RUNX1: variants seen among roughly 807,000 people sequenced by gnomAD.
RUNX1 encodes the protein runt-related transcription factor 1.
A neutral mutation model predicts 42.8 loss-of-function variants in RUNX1; 19 were observed. The observed-to-expected ratio is 0.44, with a 90% CI of 0.31 to 0.65. The LOEUF is 0.65. Among genes scored for constraint, RUNX1 ranks in the 30% least tolerant of loss-of-function variants. The pLI is 0.07. For synonymous variants in RUNX1, 271 were observed against 289.4 expected (o/e 0.94, Z 0.64); for missense variants, 528 against 672.0 (o/e 0.79, Z 2.37).
intron 4 of RUNX1, among the ~76,000 whole-genome samples, chr21:34,881,396 G>T (rs756686338): frequency 6.6e-6 from 1 of 151,988 alleles, no homozygotes; most frequent in Non-Finnish European, 1.5e-5. Flanking sequence ...CCTACTCATC[G>T]CTATTATCTT....
intron 6 of RUNX1, among the ~76,000 whole-genome samples, chr21:34,847,731 T>C (rs1288266893): frequency 6.6e-6 from 1 of 152,202 alleles, no homozygotes; most frequent in East Asian, 1.9e-4. Context: ...AAACCTTTAA[T>C]TGGAAAAAGA....
At chr21:34,874,934 C>T (rs61658023) in intron 5 of RUNX1, among the ~76,000 whole-genome samples, 26,880 of 152,034 alleles carry the variant, frequency 0.18, 2,555 homozygotes, top group Non-Finnish European at 0.2. Context: ...TCTTCTGTCC[C>T]GACCAAAAAG....
chr21:34,952,078 G>C (rs1444894665), intron 2 of RUNX1, among the ~76,000 whole-genome samples: 2 of 152,148 alleles, frequency 1.3e-5, no homozygotes, highest in Admixed American at 6.5e-5. Context: ...CCTTTGCAGG[G>C]ACATGGATGA....
chr21:34,974,245 A>C (rs1309478214), intron 2 of RUNX1, among the ~76,000 whole-genome samples: 1 of 152,110 alleles, frequency 6.6e-6, no homozygotes, highest in Non-Finnish European at 1.5e-5. Flanking sequence ...GATCCGAACA[A>C]TAAGTAACCA....
chr21:34,931,832 A>G (rs568296715), intron 2 of RUNX1, among the ~76,000 whole-genome samples: 1 of 152,010 alleles, frequency 6.6e-6, no homozygotes, highest in Non-Finnish European at 1.5e-5. Flanking sequence ...TGGAGGGGAC[A>G]GTGGGAGATA....
intron 2 of RUNX1, among the ~76,000 whole-genome samples, chr21:35,010,625 G>GCA (rs113068635): frequency 0.045 from 6,471 of 143,580 alleles, 163 homozygotes; most frequent in South Asian, 0.083. Flanking sequence ...ACACACACAC[G>GCA]CACACACACA....
intron 7 of RUNX1, among the ~76,000 whole-genome samples, chr21:34,804,292 C>A (rs886357712): frequency 1.3e-5 from 2 of 152,148 alleles, no homozygotes; most frequent in African/African-American, 2.4e-5. Flanking sequence ...CCACCAGATT[C>A]TCACAGGATC....
chr21:34,921,188 A>G (rs1410008377), intron 2 of RUNX1, among the ~76,000 whole-genome samples: 1 of 152,178 alleles, frequency 6.6e-6, no homozygotes, highest in Non-Finnish European at 1.5e-5. Flanking sequence ...TGTGGCACTA[A>G]ATATATTCAC....
At chr21:34,902,762 C>T (rs2058187237) in intron 2 of RUNX1, among the ~76,000 whole-genome samples, 1 of 152,148 alleles carries the variant, frequency 6.6e-6, no homozygotes, top group Non-Finnish European at 1.5e-5. Flanking sequence ...CTTGCCCCAG[C>T]CTCAGCCTCC....
At chr21:34,993,044 A>G (rs2058957729) in intron 2 of RUNX1, among the ~76,000 whole-genome samples, 1 of 152,230 alleles carries the variant, frequency 6.6e-6, no homozygotes, top group African/African-American at 2.4e-5. Context: ...CCCTGCCAGG[A>G]AGGGCATCTG....
intron 7 of RUNX1, among the ~76,000 whole-genome samples, chr21:34,811,024 C>T (rs1179751073): frequency 6.6e-6 from 1 of 152,206 alleles, no homozygotes; most frequent in Non-Finnish European, 1.5e-5. Flanking sequence ...GCACCATAGC[C>T]ACCCTGCAGA....
rs1406675288 is a variant in RUNX1 at position 34,791,585 on chromosome 21, T to C, written c.*550A>G. On this transcript the variant is annotated 3_prime_UTR_variant, in exon 9 of 9. Coordinates refer to ENST00000675419, the MANE Select transcript of RUNX1 (RefSeq NM_001754.5). ...TTATATATATTTATATAAACGTATA[T>C]AAAAATAAAAACCACCCAAATGCAA... 8.7e-6 allele frequency: 2 copies of C among 229,392 alleles called. No homozygotes were observed. The highest frequency in any genetic ancestry group is 1.7e-5 in the Non-Finnish European group (2 of 115,744). The allele number at this position is 229,392 out of a possible 1,614,324, so 14.2% of individuals were successfully genotyped here. A position where few individuals can be genotyped will look rare whatever the true frequency, so the allele number is the denominator to read the frequency against.
intron 2 of RUNX1, among the ~76,000 whole-genome samples, chr21:34,915,494 G>T (rs926192693): frequency 3.3e-5 from 5 of 152,320 alleles, no homozygotes; most frequent in East Asian, 1.9e-4. Context: ...TAGGCAAAAA[G>T]ACTCATGTTC....
At chr21:34,876,361 A>G (rs542401478) in intron 5 of RUNX1, among the ~76,000 whole-genome samples, 1 of 152,356 alleles carries the variant, frequency 6.6e-6, no homozygotes, top group East Asian at 1.9e-4. Flanking sequence ...GAAAATGTCT[A>G]GCTCATTTGT....
chr21:34,988,715 G>A (rs1312283518), intron 2 of RUNX1, among the ~76,000 whole-genome samples: 11 of 152,154 alleles, frequency 7.2e-5, no homozygotes, highest in Non-Finnish European at 1.6e-4. Context: ...GACAGTGTGT[G>A]CAACAACTTA....
chr21:35,031,336 G>C (rs2059271628), intron 2 of RUNX1, among the ~76,000 whole-genome samples: 1 of 152,044 alleles, frequency 6.6e-6, no homozygotes, highest in Non-Finnish European at 1.5e-5. Context: ...CAACAAGAAC[G>C]AAACTCCGTC....
chr21:34,818,480 T>C (rs1370403105), intron 7 of RUNX1, among the ~76,000 whole-genome samples: 2 of 151,308 alleles, frequency 1.3e-5, no homozygotes, highest in Non-Finnish European at 2.9e-5. Flanking sequence ...CCCCTCCTTC[T>C]GGTTCTGAAT....
intron 2 of RUNX1, among the ~76,000 whole-genome samples, chr21:34,984,984 A>T (rs2058874545): frequency 6.6e-6 from 1 of 152,210 alleles, no homozygotes. Flanking sequence ...AATAGCCCCA[A>T]AATATATAGC....
In RUNX1 at chr21:34,967,073, C is replaced by T. The variant is rs184028091; in HGVS notation, c.59-74110G>A. Among the ~76,000 whole-genome samples the T allele has an allele frequency of 8.6e-5, 13 of 151,846 alleles. No homozygotes were observed. The East Asian group carries it at 1.2e-3, about 14-fold the overall frequency. On this transcript the variant is annotated intron_variant, in intron 2 of 8. Transcript: ENST00000675419. ...TTTTAAGAATAGTATTTTCCCAGGC[C>T]GGGCGCGGCGGCCAAGGCGAGTGGA... is the stretch of plus-strand genomic sequence containing the variant.
Sources: allele counts gnomAD v4.1 joint callset (sites outside exome capture counted in the v4.1 genomes callset), GRCh38; gene constraint gnomAD v4.1.1; transcripts MANE v1.5; gene names NCBI Gene and HGNC (gene_info 2026-07-23, HGNC 2026-07-21).